The following PLPPR4 variants were observed in gnomAD, a reference collection of about 807,000 sequenced individuals.
The protein encoded by PLPPR4 is phospholipid phosphatase-related protein type 4.
PLPPR4 carries 24 observed loss-of-function variants against 56.6 expected under a neutral mutation model. The observed-to-expected ratio is 0.42, with a 90% confidence interval of 0.31 to 0.60. PLPPR4 has a LOEUF of 0.60. Among genes scored for constraint, PLPPR4 ranks in the 20% least tolerant of loss-of-function variants. The probability of loss-of-function intolerance (pLI) is 0.13; values close to 1 mark genes in which losing one functional copy is unlikely to be tolerated. For missense variants in PLPPR4, 654 were observed against 885.8 expected, an observed-to-expected ratio of 0.74 and a Z score of 3.32; for synonymous variants, 326 against 328.1, an observed-to-expected ratio of 0.99 and a Z score of 0.07.
At chr1:99,266,046 G>A (rs1658886939) in intron 1 of PLPPR4, among the ~76,000 whole-genome samples, 1 of 152,022 alleles carries the variant, frequency 6.6e-6, no homozygotes, top group African/African-American at 2.4e-5. Context: ...GAGATTTTTG[G>A]GAACATGGTT....
rs924660047 is a variant in PLPPR4 at position 99,307,602 on chromosome 1, C to T, written c.*592C>T. ...TGCTTTGTGTTAGAATAGGACACCC[C>T]GCAGCTTCTCTGTAGTGGCTCTGTC... On this transcript the variant is annotated 3_prime_UTR_variant, in exon 7 of 7. Transcript: ENST00000370185. 6.6e-6 allele frequency: 1 copy of T among 152,196 alleles called. No homozygotes were observed. 9.4% of individuals were successfully genotyped at this position (152,196 alleles called of 1,614,324 possible). A position where few individuals can be genotyped will look rare whatever the true frequency, so the allele number is the denominator to read the frequency against.
At position 99,308,141 on chromosome 1, in the gene PLPPR4, T is replaced by C. The variant is rs563843972; in HGVS notation, c.*1131T>C. ...AAAAGTCCCATTCGGTTCTACATTA[T>C]TAACTTTTTTTTTCTATATCCTGAT... is the stretch of plus-strand genomic sequence containing the variant. On this transcript the variant is annotated 3_prime_UTR_variant, in exon 7 of 7. Transcript: ENST00000370185. 3.3e-5 allele frequency: 5 copies of C among 152,312 alleles called. No individual in the cohort carries two copies. Among genetic ancestry groups the C allele is most frequent in the Admixed American group, 3.3e-4 (5 of 15,296 alleles). The allele number at this position is 152,312 out of a possible 1,614,324, so 9.4% of individuals were successfully genotyped here.
intron 2 of PLPPR4, among the ~76,000 whole-genome samples, chr1:99,294,713 ACTC>A (rs1407012988): frequency 6.6e-6 from 1 of 151,074 alleles, no homozygotes; most frequent in Admixed American, 6.6e-5. Flanking sequence ...AAAAAAAAAA[ACTC>A]CTGAAATCTC....
intron 2 of PLPPR4, among the ~76,000 whole-genome samples, chr1:99,296,325 A>T (rs538329054): frequency 6.6e-6 from 1 of 152,318 alleles, no homozygotes; most frequent in Non-Finnish European, 1.5e-5. Flanking sequence ...ATACCTACAT[A>T]TGGGTAGTGG....
intron 1 of PLPPR4, among the ~76,000 whole-genome samples, chr1:99,267,993 GA>G (rs1211400685): frequency 1.3e-5 from 2 of 150,542 alleles, no homozygotes; most frequent in African/African-American, 5.0e-5. Context: ...AGAAGAAACT[GA>G]AACTCATAAA....
intron 6 of PLPPR4, among the ~76,000 whole-genome samples, chr1:99,303,063 T>C (rs1659925567): frequency 6.6e-6 from 1 of 152,126 alleles, no homozygotes; most frequent in Non-Finnish European, 1.5e-5. Flanking sequence ...AATAGCAAAC[T>C]GCCTGAGGAA....
At chr1:99,282,256 T>C (rs1456666443) in intron 1 of PLPPR4, among the ~76,000 whole-genome samples, 1 of 152,220 alleles carries the variant, frequency 6.6e-6, no homozygotes, top group Non-Finnish European at 1.5e-5. Flanking sequence ...ATCTTCTTCA[T>C]TGATCAAGCC....
intron 1 of PLPPR4, among the ~76,000 whole-genome samples, chr1:99,284,137 T>C (rs1251782461): frequency 6.6e-6 from 1 of 152,208 alleles, no homozygotes; most frequent in Non-Finnish European, 1.5e-5. Flanking sequence ...TATGTGCATA[T>C]CAATTCTATA....
chr1:99,294,646 A>G (rs1482543348), intron 2 of PLPPR4, among the ~76,000 whole-genome samples: 1 of 151,576 alleles, frequency 6.6e-6, no homozygotes, highest in Admixed American at 6.6e-5. Flanking sequence ...CAGTGAGCCA[A>G]GATCACACCA....
rs1660118981 is a variant in PLPPR4 at position 99,309,007 on chromosome 1, A to G, written c.*1997A>G. ...AATCTTTCCTATTTCTTAACAAAAGATTTTAAAGTACTTCTCTAGTCATTG... is the reference window on the plus strand; with the variant it reads ...AATCTTTCCTATTTCTTAACAAAAGGTTTTAAAGTACTTCTCTAGTCATTG... On this transcript the variant is annotated 3_prime_UTR_variant, in exon 7 of 7. Coordinates refer to ENST00000370185, the MANE Select transcript of PLPPR4 (RefSeq NM_014839.5). 6.6e-6 allele frequency: 1 copy of G among 152,556 alleles called. No individual in the cohort carries two copies. Among genetic ancestry groups the G allele is most frequent in the South Asian group, 2.1e-4 (1 of 4,820 alleles). The allele number at this position is 152,556 out of a possible 1,614,324, so 9.5% of individuals were successfully genotyped here.
intron 1 of PLPPR4, among the ~76,000 whole-genome samples, chr1:99,280,753 C>T (rs1659303573): frequency 2.0e-5 from 3 of 151,974 alleles, no homozygotes; most frequent in African/African-American, 7.2e-5. Flanking sequence ...AATGTGGAAC[C>T]ATAATGTGAA....
chr1:99,269,997 TTGTGTGTGTG>T (rs10612152), intron 1 of PLPPR4, among the ~76,000 whole-genome samples: 1,632 of 134,542 alleles, frequency 0.012, 14 homozygotes, highest in East Asian at 0.023. Context: ...TTCATTCCTT[TTGTGTGTGTG>T]TGTGTGTGTG....
chr1:99,284,340 AAATATAATG>A (rs1659411792), intron 1 of PLPPR4, among the ~76,000 whole-genome samples: 1 of 152,216 alleles, frequency 6.6e-6, no homozygotes, highest in Non-Finnish European at 1.5e-5. Flanking sequence ...TTTATTTCCA[AAATATAATG>A]AATATAATGA....
intron 3 of PLPPR4, among the ~76,000 whole-genome samples, chr1:99,297,259 T>C (rs944380583): frequency 6.6e-6 from 1 of 152,158 alleles, no homozygotes; most frequent in Non-Finnish European, 1.5e-5. Context: ...ATGATTCCAT[T>C]TCAATTGTCC....
At chr1:99,283,102 G>C (rs1288454039) in intron 1 of PLPPR4, among the ~76,000 whole-genome samples, 2 of 151,798 alleles carry the variant, frequency 1.3e-5, no homozygotes, top group African/African-American at 4.8e-5. Context: ...CCAGGACCTA[G>C]AACGAGGCTT....
chr1:99,263,140 G>C (rs761795385), upstream of PLPPR4, among the ~76,000 whole-genome samples: 83 of 152,256 alleles, frequency 5.5e-4, no homozygotes, highest in Non-Finnish European at 9.9e-4. Flanking sequence ...AGAATCGTGG[G>C]GGCAACTCCA....
chr1:99,277,392 T>C (rs1421501222), intron 1 of PLPPR4, among the ~76,000 whole-genome samples: 2 of 152,214 alleles, frequency 1.3e-5, no homozygotes, highest in Admixed American at 6.5e-5. Context: ...GTCAGAATTG[T>C]GTAAGCTGAA....
At chr1:99,299,724 C>T (rs1659832779) in intron 4 of PLPPR4, among the ~76,000 whole-genome samples, 1 of 151,922 alleles carries the variant, frequency 6.6e-6, no homozygotes. Context: ...AGATCTAACT[C>T]ATGCCCCAGA....
intron 3 of PLPPR4, among the ~76,000 whole-genome samples, chr1:99,298,316 A>G (rs1659793966): frequency 6.6e-6 from 1 of 152,166 alleles, no homozygotes; most frequent in Non-Finnish European, 1.5e-5. Context: ...ACTCCCAAAG[A>G]TAAGGCCAAG....
Sources: gnomAD v4.1 joint callset for allele counts (sites outside exome capture counted in the v4.1 genomes callset) on GRCh38, gnomAD v4.1.1 for gene constraint, MANE v1.5 for transcripts, NCBI Gene and HGNC (gene_info 2026-07-23, HGNC 2026-07-21) for gene names.